WDFY3: variants seen among roughly 807,000 people sequenced by gnomAD.
The protein encoded by WDFY3 is WD repeat and FYVE domain-containing protein 3.
In WDFY3, 66 loss-of-function variants were observed where a neutral mutation model predicts 409.6. That is an observed-to-expected ratio of 0.16 (90% confidence interval 0.13 to 0.20). The LOEUF is 0.20. WDFY3 is among the 10% of genes least tolerant of loss of function. The probability of loss-of-function intolerance (pLI) is 1.00; values close to 1 mark genes in which losing one functional copy is unlikely to be tolerated. For synonymous variants in WDFY3, 1,521 were observed against 1,537.1 expected (o/e 0.99, Z 0.25); for missense variants, 3,031 against 4,298.1 (o/e 0.71, Z 8.24).
intron 44 of WDFY3, among the ~76,000 whole-genome samples, chr4:84,729,866 C>A (rs1692618416): frequency 1.3e-5 from 2 of 152,116 alleles, no homozygotes; most frequent in Non-Finnish European, 2.9e-5. Context: ...TGCCCTTGCA[C>A]CAGGTAAAGT....
intron 30 of WDFY3, among the ~76,000 whole-genome samples, chr4:84,767,689 A>C (rs899431432): frequency 2.0e-5 from 3 of 152,160 alleles, no homozygotes; most frequent in African/African-American, 7.2e-5. Context: ...TAGATAGAAG[A>C]CTAAATCATC....
rs1483744036 is a variant in WDFY3, at chr4:84,821,397, T to C, written c.1278A>G (p.Thr426=). The C allele has an allele frequency of 1.9e-6, 3 of 1,613,932 alleles. No homozygotes were observed. The East Asian group carries it at 6.7e-5, about 36-fold the overall frequency. Reference sequence around the variant, plus strand: ...AAATCTTCTCTGCAAACTGTGACAATGTGTGCTGTGACTCTAGGATGAAGT... The same window carrying C: ...AAATCTTCTCTGCAAACTGTGACAACGTGTGCTGTGACTCTAGGATGAAGT... ...ANYFILESQH[T]LSQFAEKISK... Residue 426 remains threonine, a synonymous_variant, in exon 11 of 68, where the codon ACA becomes ACG. Coordinates refer to ENST00000295888, the MANE Select transcript of WDFY3 (RefSeq NM_014991.6).
intron 5 of WDFY3, chr4:84,844,332 A>G (rs1273187137): frequency 3.4e-6 from 2 of 590,688 alleles, no homozygotes; most frequent in Non-Finnish European, 5.1e-6. Flanking sequence ...ACGAAGCCCT[A>G]AACACCCTTG....
intron 2 of WDFY3, among the ~76,000 whole-genome samples, chr4:84,907,572 C>T (rs1449954411): frequency 6.6e-6 from 1 of 152,196 alleles, no homozygotes; most frequent in African/African-American, 2.4e-5. Flanking sequence ...TGACTACAAC[C>T]TTATGAGAAA....
At chr4:84,678,818 T>C (rs1726810319) in intron 65 of WDFY3, 101 bp downstream of exon 65, 1 of 1,337,304 alleles carries the variant, frequency 7.5e-7, no homozygotes, top group Non-Finnish European at 1.0e-6. Flanking sequence ...ACGGGGCACA[T>C]CCAGGGTGGG....
At chr4:84,902,320 A>G (rs1561039664) in intron 2 of WDFY3, among the ~76,000 whole-genome samples, 1 of 152,248 alleles carries the variant, frequency 6.6e-6, no homozygotes, top group Non-Finnish European at 1.5e-5. Context: ...GGTAGAATTC[A>G]GTGCTTTCAC....
intron 4 of WDFY3, among the ~76,000 whole-genome samples, chr4:84,852,275 G>A (rs140178688): frequency 2.0e-5 from 3 of 152,320 alleles, no homozygotes; most frequent in African/African-American, 4.8e-5. Flanking sequence ...CATCCCGGGA[G>A]GGATGGAGCT....
chr4:84,881,246 G>T (rs1763493734), intron 3 of WDFY3, among the ~76,000 whole-genome samples: 1 of 151,816 alleles, frequency 6.6e-6, no homozygotes, highest in African/African-American at 2.4e-5. Context: ...AGACTGCATG[G>T]GAACATGAGA....
At chr4:84,759,448 C>T (rs1169524730) in intron 32 of WDFY3, among the ~76,000 whole-genome samples, 11 of 151,976 alleles carry the variant, frequency 7.2e-5, no homozygotes, top group Non-Finnish European at 1.5e-4. Flanking sequence ...ATGGAATGTT[C>T]TTCCATTTGT....
At chr4:84,738,350 A>T (rs886292330) in intron 40 of WDFY3, among the ~76,000 whole-genome samples, 10 of 152,154 alleles carry the variant, frequency 6.6e-5, no homozygotes, top group Admixed American at 2.0e-4. Flanking sequence ...TAATCCCAGC[A>T]CTTTGGGAGG....
rs746282763 is a variant in WDFY3, at chr4:84,801,847, T to C, written c.2625A>G (p.Gln875=). 1 of 1,613,978 alleles carries C rather than the reference T, an allele frequency of 6.2e-7. No homozygotes were observed. The highest frequency in any genetic ancestry group is 1.3e-5 in the African/African-American group (1 of 74,946). Reference sequence around the variant, plus strand: ...ATTGTAAAATATTTGCCACGGCAAGTTGAAGATCCAAAGCATGCTAAAATC... The same window carrying C: ...ATTGTAAAATATTTGCCACGGCAAGCTGAAGATCCAAAGCATGCTAAAATC... ...VTQPEHALDL[Q]LAVANILQSL... Residue 875 remains glutamine, a synonymous_variant, in exon 17 of 68, where the codon CAA becomes CAG. Coordinates refer to ENST00000295888, the MANE Select transcript of WDFY3 (RefSeq NM_014991.6).
intron 6 of WDFY3, among the ~76,000 whole-genome samples, chr4:84,838,154 A>C (rs903646373): frequency 2.6e-5 from 4 of 152,080 alleles, no homozygotes; most frequent in Admixed American, 2.0e-4. Context: ...AAAAATGCTG[A>C]CTCCTGACGA....
At chr4:84,724,989 C>A (rs546318740) in intron 45 of WDFY3, among the ~76,000 whole-genome samples, 1 of 152,184 alleles carries the variant, frequency 6.6e-6, no homozygotes, top group Non-Finnish European at 1.5e-5. Flanking sequence ...TTCACTTCCA[C>A]CCCAAGTGAA....
At chr4:84,930,443 C>T (rs1233130129) in intron 2 of WDFY3, among the ~76,000 whole-genome samples, 1 of 152,078 alleles carries the variant, frequency 6.6e-6, no homozygotes, top group Non-Finnish European at 1.5e-5. Context: ...CCATGAGCTA[C>T]CACTATCATC....
At chr4:84,918,541 A>G (rs148466746) in intron 2 of WDFY3, among the ~76,000 whole-genome samples, 146 of 152,174 alleles carry the variant, frequency 9.6e-4, no homozygotes, top group African/African-American at 3.3e-3. Context: ...CCAAAAAACA[A>G]TAAGGTTGGT....
intron 10 of WDFY3, among the ~76,000 whole-genome samples, chr4:84,825,900 GATT>G (rs1327988903): frequency 6.6e-6 from 1 of 152,052 alleles, no homozygotes; most frequent in African/African-American, 2.4e-5. Context: ...ACTTTGAAAT[GATT>G]ACTGTGCATT....
intron 40 of WDFY3, 112 bp downstream of exon 40, chr4:84,738,898 G>T: frequency 2.0e-6 from 2 of 1,022,680 alleles, no homozygotes. Context: ...TTGCCCTACT[G>T]GGAGAGTTGC....
chr4:84,848,899 T>C (rs1758482591), intron 5 of WDFY3, among the ~76,000 whole-genome samples: 1 of 152,164 alleles, frequency 6.6e-6, no homozygotes, highest in South Asian at 2.1e-4. Context: ...ATAATCATGC[T>C]GTATGATGTA....
chr4:84,957,347 A>G (rs1774369613), intron 1 of WDFY3, among the ~76,000 whole-genome samples: 1 of 152,270 alleles, frequency 6.6e-6, no homozygotes, highest in East Asian at 1.9e-4. Flanking sequence ...CAATAATCCA[A>G]TATTTTATCA....
Sources: gnomAD v4.1 joint callset for allele counts (sites outside exome capture counted in the v4.1 genomes callset) on GRCh38, gnomAD v4.1.1 for gene constraint, MANE v1.5 for transcripts, NCBI Gene and HGNC (gene_info 2026-07-23, HGNC 2026-07-21) for gene names.